The following COL8A1 variants were observed in gnomAD, a reference collection of about 807,000 sequenced individuals.
COL8A1 encodes collagen alpha-1(VIII) chain.
In COL8A1, 21 loss-of-function variants were observed where a neutral mutation model predicts 42.7. The observed-to-expected ratio is 0.49, with a 90% CI of 0.35 to 0.71. COL8A1 has a LOEUF of 0.71. COL8A1 is among the 30% of genes least tolerant of loss of function. The pLI, the probability that COL8A1 is intolerant of heterozygous loss-of-function variation, is 0.01. For synonymous variants in COL8A1, 367 were observed against 369.1 expected, an observed-to-expected ratio of 0.99 and a Z score of 0.06; for missense variants, 788 against 962.4, an observed-to-expected ratio of 0.82 and a Z score of 2.40.
At chr3:99,717,288 C>G (rs1403683315) in intron 1 of COL8A1, among the ~76,000 whole-genome samples, 1 of 151,992 alleles carries the variant, frequency 6.6e-6, no homozygotes, top group Non-Finnish European at 1.5e-5. Flanking sequence ...AACACCACCA[C>G]AAATTTATGT....
intron 2 of COL8A1, among the ~76,000 whole-genome samples, chr3:99,770,204 T>G (rs1423748566): frequency 6.6e-6 from 1 of 152,096 alleles, no homozygotes; most frequent in Non-Finnish European, 1.5e-5. Context: ...GGGCAGGACA[T>G]GTTTGGAATG....
chr3:99,737,846 A>G (rs1404021560), intron 1 of COL8A1, among the ~76,000 whole-genome samples: 3 of 151,590 alleles, frequency 2.0e-5, no homozygotes, highest in Non-Finnish European at 2.9e-5. Context: ...CATTCTCCCC[A>G]TCACTTTCAG....
intron 1 of COL8A1, among the ~76,000 whole-genome samples, chr3:99,722,563 G>C (rs1576447792): frequency 6.6e-6 from 1 of 152,112 alleles, no homozygotes; most frequent in Non-Finnish European, 1.5e-5. Flanking sequence ...ATTGACCATT[G>C]TGGGTAAAAT....
At chr3:99,734,631 G>A (rs1015286008) in intron 1 of COL8A1, among the ~76,000 whole-genome samples, 20 of 151,864 alleles carry the variant, frequency 1.3e-4, no homozygotes, top group Admixed American at 6.6e-4. Context: ...TTGGCGATGC[G>A]GGCTTTTTTT....
intron 1 of COL8A1, among the ~76,000 whole-genome samples, chr3:99,677,057 A>G (rs2107319019): frequency 6.7e-6 from 1 of 148,812 alleles, no homozygotes; most frequent in Non-Finnish European, 1.5e-5. Flanking sequence ...GTCTGTACAA[A>G]AAGAAAAAGA....
intron 1 of COL8A1, among the ~76,000 whole-genome samples, chr3:99,707,443 C>A (rs149677930): frequency 6.6e-6 from 1 of 152,136 alleles, no homozygotes; most frequent in Non-Finnish European, 1.5e-5. Flanking sequence ...AGCTTCAAAC[C>A]CTCAGTTAGC....
chr3:99,694,183 T>C (rs1046690324), intron 1 of COL8A1, among the ~76,000 whole-genome samples: 2 of 152,096 alleles, frequency 1.3e-5, no homozygotes, highest in African/African-American at 4.8e-5. Flanking sequence ...ATAATTGTAC[T>C]TAGAACAAAG....
At chr3:99,775,243 A>G (rs1254845268) in intron 2 of COL8A1, among the ~76,000 whole-genome samples, 2 of 152,166 alleles carry the variant, frequency 1.3e-5, no homozygotes, top group Non-Finnish European at 2.9e-5. Context: ...AATCATGGCT[A>G]AAGAAAGCAC....
At chr3:99,657,887 T>C (rs926077599) in intron 1 of COL8A1, among the ~76,000 whole-genome samples, 2 of 152,142 alleles carry the variant, frequency 1.3e-5, no homozygotes, top group African/African-American at 4.8e-5. Context: ...CCCAGCACTT[T>C]GGGAGGCCAA....
intron 1 of COL8A1, among the ~76,000 whole-genome samples, chr3:99,715,512 G>C (rs1939970880): frequency 6.6e-6 from 1 of 151,968 alleles, no homozygotes. Context: ...CCCTAATCCA[G>C]AGAGGTAGAA....
intron 1 of COL8A1, among the ~76,000 whole-genome samples, chr3:99,719,400 G>A (rs571702273): frequency 6.6e-6 from 1 of 152,148 alleles, no homozygotes; most frequent in South Asian, 2.1e-4. Context: ...GAATGAATAA[G>A]AAATTTCATT....
At chr3:99,700,884 G>A (rs1369533420) in intron 1 of COL8A1, among the ~76,000 whole-genome samples, 1 of 152,062 alleles carries the variant, frequency 6.6e-6, no homozygotes. Flanking sequence ...TTACTTTCTG[G>A]AAGTTCCGTC....
chr3:99,736,222 T>C (rs1319475410), intron 1 of COL8A1, among the ~76,000 whole-genome samples: 1 of 152,204 alleles, frequency 6.6e-6, no homozygotes, highest in East Asian at 1.9e-4. Context: ...CTTGCTTTTC[T>C]AGTTCCTTTA....
chr3:99,659,416 T>G (rs1938131722), intron 1 of COL8A1, among the ~76,000 whole-genome samples: 1 of 152,170 alleles, frequency 6.6e-6, no homozygotes, highest in South Asian at 2.1e-4. Context: ...TAATCAGCAG[T>G]GAATAAAACA....
At chr3:99,694,467 C>T (rs1421896725) in intron 1 of COL8A1, among the ~76,000 whole-genome samples, 5 of 151,796 alleles carry the variant, frequency 3.3e-5, no homozygotes, top group South Asian at 2.1e-4. Context: ...CAAAGTGAGA[C>T]TCCATCTCAA....
At chr3:99,684,986 A>G (rs1171767373) in intron 1 of COL8A1, among the ~76,000 whole-genome samples, 1 of 152,204 alleles carries the variant, frequency 6.6e-6, no homozygotes, top group African/African-American at 2.4e-5. Flanking sequence ...AAACTGAACT[A>G]TGCTATTCAT....
At chr3:99,732,524 G>A (rs1940544700) in intron 1 of COL8A1, among the ~76,000 whole-genome samples, 1 of 152,086 alleles carries the variant, frequency 6.6e-6, no homozygotes, top group African/African-American at 2.4e-5. Context: ...GATCTCATGA[G>A]CACTCACTCA....
intron 2 of COL8A1, among the ~76,000 whole-genome samples, chr3:99,768,746 C>T (rs545530440): frequency 1.7e-4 from 26 of 152,294 alleles, no homozygotes; most frequent in Admixed American, 1.1e-3. Flanking sequence ...CTAACTCTAC[C>T]GGAGGTCTTC....
At position 99,798,316 on chromosome 3, in the gene COL8A1, A is replaced by G. The variant is rs1210821455; in HGVS notation, c.*2180A>G. 1 of 152,222 alleles carries G rather than the reference A, an allele frequency of 6.6e-6. No homozygotes were observed. The highest frequency in any genetic ancestry group is 1.5e-5 in the Non-Finnish European group (1 of 68,048). The allele number at this position is 152,222 out of a possible 1,614,324, so 9.4% of individuals were successfully genotyped here. ...TCCACAACCTTTGTTTTCAAAGCAGACAGCATCTATGTGGCCAAATATACT... is the reference window on the plus strand; with the variant it reads ...TCCACAACCTTTGTTTTCAAAGCAGGCAGCATCTATGTGGCCAAATATACT... On this transcript the variant is annotated 3_prime_UTR_variant, in exon 4 of 4. Transcript: ENST00000652472.
Sources: allele counts gnomAD v4.1 joint callset (sites outside exome capture counted in the v4.1 genomes callset), GRCh38; gene constraint gnomAD v4.1.1; transcripts MANE v1.5; gene names NCBI Gene and HGNC (gene_info 2026-07-23, HGNC 2026-07-21).